TDRD3: variants seen among roughly 807,000 people sequenced by gnomAD.
TDRD3 encodes the protein tudor domain-containing protein 3.
In TDRD3, 45 loss-of-function variants were observed where a neutral mutation model predicts 86.7. The observed-to-expected ratio is 0.52, with a 90% CI of 0.41 to 0.67. The LOEUF is 0.67. Ranked by LOEUF, TDRD3 falls within the 30% of genes least tolerant of loss-of-function variation. The pLI, the probability that TDRD3 is intolerant of heterozygous loss-of-function variation, is 0.00. For synonymous variants in TDRD3, 298 were observed against 301.7 expected, an observed-to-expected ratio of 0.99 and a Z score of 0.13; for missense variants, 814 against 889.0, an observed-to-expected ratio of 0.92 and a Z score of 1.07.
chr13:60,553,452 C>T (rs1958112376), intron 12 of TDRD3, among the ~76,000 whole-genome samples: 1 of 151,806 alleles, frequency 6.6e-6, no homozygotes, highest in Non-Finnish European at 1.5e-5. Context: ...TTCAGGTTAT[C>T]TTTTTAGCAG....
intron 12 of TDRD3, among the ~76,000 whole-genome samples, chr13:60,563,105 G>A (rs533806346): frequency 7.2e-5 from 11 of 152,084 alleles, no homozygotes; most frequent in African/African-American, 2.7e-4. Context: ...GCTGGTACCT[G>A]TAATCCCAGT....
chr13:60,492,199 G>T (rs1285877343), intron 7 of TDRD3, among the ~76,000 whole-genome samples: 6 of 152,166 alleles, frequency 3.9e-5, no homozygotes, highest in Non-Finnish European at 4.4e-5. Context: ...GCATCCAGAA[G>T]ATGGGACTAT....
intron 11 of TDRD3, among the ~76,000 whole-genome samples, chr13:60,534,212 T>C (rs370131000): frequency 2.0e-5 from 3 of 151,932 alleles, no homozygotes; most frequent in African/African-American, 2.4e-5. Flanking sequence ...ACTTGGGAGG[T>C]TGCAGCAAGA....
At chr13:60,570,253 T>C (rs1958557366) in intron 13 of TDRD3, among the ~76,000 whole-genome samples, 2 of 152,160 alleles carry the variant, frequency 1.3e-5, no homozygotes, top group African/African-American at 4.8e-5. Context: ...GGCAAAAGAC[T>C]TGAATAGGCA....
chr13:60,397,056 G>C (rs923965414), upstream of TDRD3: 20 of 281,220 alleles, frequency 7.1e-5, no homozygotes, highest in Admixed American at 5.8e-4. Flanking sequence ...AAAAGCCTTC[G>C]GGGAAGAGGC....
chr13:60,482,474 A>G (rs1262669145), intron 5 of TDRD3, among the ~76,000 whole-genome samples: 1 of 152,178 alleles, frequency 6.6e-6, no homozygotes, highest in African/African-American at 2.4e-5. Context: ...CAGGTCCTGT[A>G]ATATGCTTTT....
In TDRD3 at chr13:60,504,496, T is replaced by C. The variant is rs559584866; in HGVS notation, c.859-5267T>C. On this transcript the variant is annotated intron_variant, in intron 8 of 13. Transcript: ENST00000377881. ...TTTAGCAAACCTAGTATCTGACTTG[T>C]ATGATTTAGACCACATATTTGCATT... 2.0e-5 allele frequency among the ~76,000 whole-genome samples: 3 copies of C among 152,364 alleles called. No individual in the cohort carries two copies. The South Asian group carries it at 6.2e-4, about 32-fold the overall frequency.
chr13:60,416,046 C>A (rs1432263918), intron 1 of TDRD3, among the ~76,000 whole-genome samples: 1 of 152,100 alleles, frequency 6.6e-6, no homozygotes, highest in Non-Finnish European at 1.5e-5. Context: ...TTAAAATACC[C>A]TTTGCTTAAG....
At chr13:60,522,324 G>A (rs1166602299) in intron 10 of TDRD3, among the ~76,000 whole-genome samples, 4 of 152,070 alleles carry the variant, frequency 2.6e-5, no homozygotes, top group Non-Finnish European at 4.4e-5. Context: ...ATAAAGATCC[G>A]AACTAAAAAT....
chr13:60,447,324 T>G (rs1212985246), intron 3 of TDRD3, among the ~76,000 whole-genome samples: 1 of 152,194 alleles, frequency 6.6e-6, no homozygotes, highest in African/African-American at 2.4e-5. Flanking sequence ...TGCCCTGGAT[T>G]TAAATCTTCT....
At chr13:60,573,524 C>A in intron 13 of TDRD3, 92 bp from the exon 14 acceptor site, 1 of 735,280 alleles carries the variant, frequency 1.4e-6, no homozygotes, top group Non-Finnish European at 1.7e-6. Context: ...TTCACATTTA[C>A]AGATAAGTTT....
At chr13:60,525,825 C>G (rs1240410688) in intron 10 of TDRD3, among the ~76,000 whole-genome samples, 1 of 151,984 alleles carries the variant, frequency 6.6e-6, no homozygotes, top group East Asian at 1.9e-4. Flanking sequence ...TTAGTGAAAA[C>G]AATAATAAAA....
At chr13:60,562,256 C>G (rs111306064) in intron 12 of TDRD3, among the ~76,000 whole-genome samples, 1 of 151,700 alleles carries the variant, frequency 6.6e-6, no homozygotes, top group East Asian at 1.9e-4. Context: ...GAGGTTGCAG[C>G]GAGCCAAGAT....
intron 8 of TDRD3, among the ~76,000 whole-genome samples, chr13:60,504,810 G>A (rs1337527812): frequency 2.6e-5 from 4 of 152,124 alleles, no homozygotes; most frequent in Non-Finnish European, 2.9e-5. Flanking sequence ...AGAGTGGGGC[G>A]TTGCCTCACC....
intron 5 of TDRD3, among the ~76,000 whole-genome samples, chr13:60,471,397 T>C (rs1008710880): frequency 2.0e-5 from 3 of 152,240 alleles, no homozygotes; most frequent in Admixed American, 2.0e-4. Flanking sequence ...CTGGTCTAAA[T>C]GTCTATCTTT....
At chr13:60,557,656 C>T (rs1183378975) in intron 12 of TDRD3, among the ~76,000 whole-genome samples, 1 of 151,898 alleles carries the variant, frequency 6.6e-6, no homozygotes, top group Non-Finnish European at 1.5e-5. Context: ...AGGGTGAAAA[C>T]ATCAGCAAAC....
At chr13:60,511,563 C>G (rs1957061014) in intron 10 of TDRD3, among the ~76,000 whole-genome samples, 1 of 152,172 alleles carries the variant, frequency 6.6e-6, no homozygotes, top group African/African-American at 2.4e-5. Flanking sequence ...TGGCTTAAAA[C>G]AATGCAACTT....
chr13:60,423,631 A>G (rs1054452396), intron 1 of TDRD3, among the ~76,000 whole-genome samples: 1 of 152,212 alleles, frequency 6.6e-6, no homozygotes, highest in Non-Finnish European at 1.5e-5. Context: ...AACAAAACCA[A>G]ATACAAGCCC....
chr13:60,557,927 A>T (rs1157327678), intron 12 of TDRD3, among the ~76,000 whole-genome samples: 4 of 144,028 alleles, frequency 2.8e-5, no homozygotes, highest in African/African-American at 1.0e-4. Flanking sequence ...GGTTCAAGTG[A>T]TTCTTCTGCC....
Sources: gnomAD v4.1 joint callset for allele counts (sites outside exome capture counted in the v4.1 genomes callset) on GRCh38, gnomAD v4.1.1 for gene constraint, MANE v1.5 for transcripts, NCBI Gene and HGNC (gene_info 2026-07-23, HGNC 2026-07-21) for gene names.